The following TRHDE variants were observed in gnomAD, a reference collection of about 807,000 sequenced individuals.
TRHDE encodes thyrotropin-releasing hormone-degrading ectoenzyme.
Under a neutral mutation model 125.7 loss-of-function variants are expected in TRHDE, and 72 were observed. That is an observed-to-expected ratio of 0.57 (90% CI 0.47 to 0.70). The LOEUF (loss-of-function observed/expected upper bound fraction) is 0.70, where lower values mean the gene tolerates loss of function less well. TRHDE is among the 30% of genes least tolerant of loss of function. The pLI is 0.00. For missense variants in TRHDE, 1,110 were observed against 1,327.1 expected (o/e 0.84, Z 2.54); for synonymous variants, 509 against 509.1 (o/e 1.00, Z 0.00).
chr12:72,146,961 G>T (rs1876242361), intron 2 of TRHDE, among the ~76,000 whole-genome samples: 1 of 152,212 alleles, frequency 6.6e-6, no homozygotes, highest in African/African-American at 2.4e-5. Context: ...TTCCCCTGGA[G>T]TCCGGCCGCC....
At chr12:72,359,564 C>A (rs1027288821) in intron 2 of TRHDE, among the ~76,000 whole-genome samples, 1 of 151,512 alleles carries the variant, frequency 6.6e-6, no homozygotes, top group Non-Finnish European at 1.5e-5. Flanking sequence ...TAACAACAAA[C>A]CATAAAGTAT....
chr12:72,358,587 G>A (rs1319445871), intron 2 of TRHDE, among the ~76,000 whole-genome samples: 1 of 151,430 alleles, frequency 6.6e-6, no homozygotes, highest in African/African-American at 2.4e-5. Flanking sequence ...CGTGGGGTCA[G>A]CGCCTCTAAC....
intron 7 of TRHDE, among the ~76,000 whole-genome samples, chr12:72,550,219 TC>T (rs1266968460): frequency 6.6e-6 from 1 of 151,918 alleles, no homozygotes; most frequent in East Asian, 1.9e-4. Flanking sequence ...CAGATGCCAG[TC>T]TGTAATTATG....
At position 72,301,116 on chromosome 12, in the gene TRHDE, C is replaced by T. The variant is rs141953463; in HGVS notation, c.1188+14162C>T. 4.7e-3 allele frequency among the ~76,000 whole-genome samples: 717 copies of T among 152,078 alleles called. 6 individuals carry two copies. Among genetic ancestry groups the T allele is most frequent in the African/African-American group, 0.016 (677 of 41,492 alleles). On this transcript the variant is annotated intron_variant, in intron 2 of 18. Coordinates refer to ENST00000261180, the MANE Select transcript of TRHDE (RefSeq NM_013381.3). ...TCAGTGAGAGAAAAATGAAGAAATA[C>T]GGAGTTCTATTTTTTTTTATTACCT...
intron 6 of TRHDE, among the ~76,000 whole-genome samples, chr12:72,520,497 T>G (rs1410932305): frequency 6.6e-6 from 1 of 151,956 alleles, no homozygotes; most frequent in Non-Finnish European, 1.5e-5. Context: ...GCCCTGCTTC[T>G]GCTTGCGCAC....
At chr12:72,233,474 G>A (rs1878285531) in intron 2 of TRHDE, among the ~76,000 whole-genome samples, 1 of 152,100 alleles carries the variant, frequency 6.6e-6, no homozygotes, top group African/African-American at 2.4e-5. Context: ...GTGTTACAGT[G>A]ACATTGCAAG....
intron 2 of TRHDE, among the ~76,000 whole-genome samples, chr12:72,331,693 G>T (rs2037852695): frequency 6.6e-6 from 1 of 152,200 alleles, no homozygotes; most frequent in African/African-American, 2.4e-5. Flanking sequence ...CACTCTACGA[G>T]ATGTGTGTGC....
chr12:72,268,180 G>A (rs1879110016), upstream of TRHDE, among the ~76,000 whole-genome samples: 2 of 152,096 alleles, frequency 1.3e-5, no homozygotes, highest in Admixed American at 1.3e-4. Context: ...TTGGTCTCCA[G>A]TTGAGGGAGG....
chr12:72,397,153 C>T (rs1872828709), intron 3 of TRHDE, among the ~76,000 whole-genome samples: 1 of 152,236 alleles, frequency 6.6e-6, no homozygotes, highest in Non-Finnish European at 1.5e-5. Flanking sequence ...ACCCATGCAT[C>T]AGGCTGCTCT....
At chr12:72,578,606 A>G (rs1317679153) in intron 12 of TRHDE, among the ~76,000 whole-genome samples, 7 of 152,124 alleles carry the variant, frequency 4.6e-5, no homozygotes, top group East Asian at 1.9e-4. Flanking sequence ...TAGTTCTTCA[A>G]TGATGTGGAG....
intron 3 of TRHDE, among the ~76,000 whole-genome samples, chr12:72,453,171 A>G (rs1234291782): frequency 6.6e-6 from 1 of 152,196 alleles, no homozygotes; most frequent in African/African-American, 2.4e-5. Context: ...AATTGTGACT[A>G]AAATGCTGAT....
At position 72,243,838 on chromosome 12, in the gene TRHDE, T is replaced by G. The variant is rs983024654; in HGVS notation, n.280-134157T>G. Among the ~76,000 whole-genome samples the G allele has an allele frequency of 3.9e-5, 6 of 152,360 alleles. No individual in the cohort carries two copies. In the East Asian group the frequency reaches 9.6e-4, roughly 24 times the overall value. ...GAGTTCTCTTTTCCAAGCACTAAGT[T>G]GTTCTCAAATATGACAGACCTGAAG... On this transcript the variant is annotated intron_variant and non_coding_transcript_variant, in intron 2 of 4. Transcript: ENST00000548156.
chr12:72,446,167 T>TA (rs397942726), intron 3 of TRHDE, among the ~76,000 whole-genome samples: 4 of 150,986 alleles, frequency 2.6e-5, no homozygotes, highest in Non-Finnish European at 4.4e-5. Context: ...TTTTTTTTTT[T>TA]ATACTTTAAG....
At chr12:72,294,413 T>A (rs1206540819) in intron 2 of TRHDE, among the ~76,000 whole-genome samples, 3 of 151,996 alleles carry the variant, frequency 2.0e-5, no homozygotes, top group Non-Finnish European at 4.4e-5. Flanking sequence ...ACAGCCAGGG[T>A]ATCCTGACAA....
chr12:72,347,781 A>G (rs1592560103), intron 2 of TRHDE, among the ~76,000 whole-genome samples: 1 of 152,126 alleles, frequency 6.6e-6, no homozygotes, highest in Non-Finnish European at 1.5e-5. Context: ...TGAACAGGCT[A>G]GAATAACAAG....
chr12:72,348,195 A>G (rs979088399), intron 2 of TRHDE, among the ~76,000 whole-genome samples: 2 of 152,014 alleles, frequency 1.3e-5, no homozygotes, highest in African/African-American at 4.8e-5. Flanking sequence ...ATTACCTCAC[A>G]TACTTTTTTG....
chr12:72,413,670 A>G (rs1873609663), intron 3 of TRHDE, among the ~76,000 whole-genome samples: 2 of 152,018 alleles, frequency 1.3e-5, no homozygotes, highest in South Asian at 4.1e-4. Flanking sequence ...GCCAAAAACT[A>G]ATCTATTATA....
chr12:72,595,142 T>C (rs1871878594), intron 12 of TRHDE, among the ~76,000 whole-genome samples: 1 of 144,910 alleles, frequency 6.9e-6, no homozygotes, highest in Admixed American at 6.8e-5. Context: ...AGGGATAGCA[T>C]TAGGAGATAT....
At chr12:72,482,740 G>A (rs955361778) in intron 5 of TRHDE, among the ~76,000 whole-genome samples, 10 of 151,826 alleles carry the variant, frequency 6.6e-5, no homozygotes, top group East Asian at 1.9e-4. Context: ...AGTTTAGATC[G>A]ATTGCCCCTT....
Sources: allele counts gnomAD v4.1 joint callset (sites outside exome capture counted in the v4.1 genomes callset), GRCh38; gene constraint gnomAD v4.1.1; transcripts MANE v1.5; gene names NCBI Gene and HGNC (gene_info 2026-07-23, HGNC 2026-07-21).